Variants in CADM2 observed in about 807,000 individuals in gnomAD.
The protein encoded by CADM2 is cell adhesion molecule 2.
CADM2 carries 12 observed loss-of-function variants against 49.8 expected under a neutral mutation model. That is an observed-to-expected ratio of 0.24 (90% CI 0.15 to 0.39). The LOEUF (loss-of-function observed/expected upper bound fraction) is 0.39. Among genes scored for constraint, CADM2 ranks in the 10% least tolerant of loss-of-function variants. The pLI, the probability that CADM2 is intolerant of heterozygous loss-of-function variation, is 1.00. For missense variants in CADM2, 378 were observed against 492.3 expected (o/e 0.77, Z 2.20); for synonymous variants, 214 against 175.4 (o/e 1.22, Z -1.74).
At chr3:85,059,533 G>A (rs948049513) in intron 1 of CADM2, among the ~76,000 whole-genome samples, 1 of 152,026 alleles carries the variant, frequency 6.6e-6, no homozygotes, top group African/African-American at 2.4e-5. Flanking sequence ...GATATGGTTT[G>A]GCTGTGTCTC....
At chr3:84,988,442 C>T (rs1304914354) in intron 1 of CADM2, among the ~76,000 whole-genome samples, 1 of 152,170 alleles carries the variant, frequency 6.6e-6, no homozygotes, top group African/African-American at 2.4e-5. Flanking sequence ...GGTTTTTTAG[C>T]TGTTGTATTC....
chr3:86,020,695 A>G (rs1461875862), intron 8 of CADM2, among the ~76,000 whole-genome samples: 2 of 152,300 alleles, frequency 1.3e-5, no homozygotes, highest in East Asian at 1.9e-4. Context: ...ACGCAAATCA[A>G]TAAATGTAAT....
intron 1 of CADM2, among the ~76,000 whole-genome samples, chr3:85,557,938 C>T (rs542158181): frequency 4.8e-4 from 73 of 152,114 alleles, no homozygotes; most frequent in Non-Finnish European, 7.8e-4. Flanking sequence ...CACAAATCTA[C>T]GTTCGTAAAG....
At chr3:85,290,878 C>T (rs143816937) in intron 1 of CADM2, among the ~76,000 whole-genome samples, 1,566 of 152,292 alleles carry the variant, frequency 0.01, 11 homozygotes, top group Middle Eastern at 0.017. Context: ...AAAAGCAGAG[C>T]GCCTCTCCTT....
At chr3:84,990,521 A>G (rs913313275) in intron 1 of CADM2, among the ~76,000 whole-genome samples, 7 of 151,952 alleles carry the variant, frequency 4.6e-5, no homozygotes, top group Non-Finnish European at 1.0e-4. Flanking sequence ...GTCCTATAGT[A>G]TTATCTGAAA....
At chr3:85,389,062 C>T (rs749372829) in intron 1 of CADM2, among the ~76,000 whole-genome samples, 2 of 152,172 alleles carry the variant, frequency 1.3e-5, no homozygotes, top group Non-Finnish European at 2.9e-5. Flanking sequence ...ATATTTAAAA[C>T]AAAGTCTGTA....
At chr3:85,876,824 T>C (rs1711916318) in intron 3 of CADM2, among the ~76,000 whole-genome samples, 1 of 151,808 alleles carries the variant, frequency 6.6e-6, no homozygotes, top group South Asian at 2.1e-4. Flanking sequence ...GGTCTAAAAC[T>C]AACTAATATA....
In CADM2 at chr3:85,330,292, G is replaced by A. The variant is rs182258847; in HGVS notation, c.61+370624G>A. On this transcript the variant is annotated intron_variant, in intron 1 of 9. Coordinates refer to ENST00000383699, the MANE Select transcript of CADM2 (RefSeq NM_001167675.2). The stretch of plus-strand genomic sequence containing the variant: ...ATAGAAATGTTGAACTGGATGAGTC[G>A]CTTGTTCTCTTTTGAACTCTCATAG... 3.6e-3 allele frequency among the ~76,000 whole-genome samples: 544 copies of A among 152,118 alleles called. 4 individuals carry two copies. The highest frequency in any genetic ancestry group is 0.013 in the African/African-American group (523 of 41,514).
intron 3 of CADM2, among the ~76,000 whole-genome samples, chr3:85,836,348 A>T (rs2074409265): frequency 6.6e-6 from 1 of 151,620 alleles, no homozygotes; most frequent in African/African-American, 2.4e-5. Context: ...GAAAAGAAAA[A>T]ACTGTGGTCA....
chr3:85,445,362 CAG>C (rs2037397501), intron 1 of CADM2, among the ~76,000 whole-genome samples: 1 of 152,006 alleles, frequency 6.6e-6, no homozygotes, highest in Non-Finnish European at 1.5e-5. Flanking sequence ...AATTGTGCCA[CAG>C]ATGTGAAATG....
chr3:85,812,499 G>T (rs911709338), intron 3 of CADM2, among the ~76,000 whole-genome samples: 4 of 151,526 alleles, frequency 2.6e-5, no homozygotes, highest in African/African-American at 9.7e-5. Flanking sequence ...ATCAGCACAG[G>T]CATCATGATA....
At chr3:85,851,825 G>A (rs2075120807) in intron 3 of CADM2, among the ~76,000 whole-genome samples, 1 of 151,882 alleles carries the variant, frequency 6.6e-6, no homozygotes, top group Non-Finnish European at 1.5e-5. Flanking sequence ...AGAAAAGAAA[G>A]ACACCAAAGA....
At chr3:85,153,143 C>T (rs993703988) in intron 1 of CADM2, among the ~76,000 whole-genome samples, 16 of 152,104 alleles carry the variant, frequency 1.1e-4, no homozygotes, top group South Asian at 4.1e-4. Context: ...ACGCAGAAGA[C>T]GGGTGATTTC....
intron 1 of CADM2, among the ~76,000 whole-genome samples, chr3:85,359,737 G>A (rs1474151904): frequency 2.9e-5 from 4 of 139,676 alleles, no homozygotes; most frequent in Non-Finnish European, 4.6e-5. Flanking sequence ...CTAATAGTAA[G>A]CAAGTTGAGA....
At chr3:85,807,037 C>G (rs972073255) in intron 3 of CADM2, among the ~76,000 whole-genome samples, 1 of 152,108 alleles carries the variant, frequency 6.6e-6, no homozygotes, top group Non-Finnish European at 1.5e-5. Flanking sequence ...AACTTTGAAT[C>G]CAGGTGTAGC....
intron 1 of CADM2, among the ~76,000 whole-genome samples, chr3:85,676,946 C>G (rs1415225148): frequency 2.0e-5 from 3 of 152,088 alleles, no homozygotes; most frequent in Non-Finnish European, 4.4e-5. Context: ...TTCTATATTT[C>G]ATATAGGGTG....
intron 1 of CADM2, among the ~76,000 whole-genome samples, chr3:85,687,529 C>A (rs763371518): frequency 7.3e-5 from 11 of 151,580 alleles, no homozygotes; most frequent in Admixed American, 1.3e-4. Flanking sequence ...ATTAATAATT[C>A]AAGAGAAAAT....
chr3:85,515,425 C>CTTTTTTT (rs10662116), intron 1 of CADM2, among the ~76,000 whole-genome samples: 3 of 141,696 alleles, frequency 2.1e-5, no homozygotes, highest in Non-Finnish European at 4.6e-5. Flanking sequence ...TTGTTTGTTT[C>CTTTTTTT]TTTTTTTTTT....
At chr3:85,979,063 T>C in intron 8 of CADM2, 2 of 1,331,402 alleles carry the variant, frequency 1.5e-6, no homozygotes, top group Non-Finnish European at 2.1e-6. Context: ...CTTGTTAAAG[T>C]TAAACCTCAA....
Sources: allele counts gnomAD v4.1 joint callset (sites outside exome capture counted in the v4.1 genomes callset), GRCh38; gene constraint gnomAD v4.1.1; transcripts MANE v1.5; gene names NCBI Gene and HGNC (gene_info 2026-07-23, HGNC 2026-07-21).